Variants in PPP1R12A observed in about 807,000 individuals in gnomAD.
PPP1R12A encodes the protein myosin binding subunit.
PPP1R12A carries 19 observed loss-of-function variants against 139.6 expected under a neutral mutation model. The observed-to-expected ratio is 0.14, with a 90% CI of 0.09 to 0.20. The LOEUF is 0.20. PPP1R12A is among the 10% of genes least tolerant of loss of function. The pLI is 1.00. For missense variants in PPP1R12A, 925 were observed against 1,211.5 expected, an observed-to-expected ratio of 0.76 and a Z score of 3.51; for synonymous variants, 427 against 420.6, an observed-to-expected ratio of 1.02 and a Z score of -0.19.
intron 20 of PPP1R12A, chr12:79,789,541 CAT>C (rs1458401609): frequency 2.5e-6 from 1 of 403,942 alleles, no homozygotes; most frequent in Non-Finnish European, 4.8e-6. Flanking sequence ...GCAGGAAAAA[CAT>C]ATCTTACTGG....
chr12:79,919,548 C>G (rs1429753074), intron 1 of PPP1R12A, among the ~76,000 whole-genome samples: 1 of 149,990 alleles, frequency 6.7e-6, no homozygotes, highest in African/African-American at 2.5e-5. Context: ...GAGTGAGACT[C>G]CATCTCAAAA....
intron 1 of PPP1R12A, among the ~76,000 whole-genome samples, chr12:79,899,234 ATATATATATATATATATATATAT>A (rs1885411945): frequency 5.8e-4 from 2 of 3,470 alleles, no homozygotes; most frequent in African/African-American, 6.6e-4. Flanking sequence ...GATCTTAAAA[ATATATATATATATATATATATAT>A]ATATATATAT....
rs534807591 is a variant in PPP1R12A, at chr12:79,849,365, T to A, written c.369-3945A>T. Among the ~76,000 whole-genome samples the A allele has an allele frequency of 2.2e-4, 33 of 149,706 alleles. No individual in the cohort carries two copies. In the South Asian group the frequency reaches 6.4e-3, roughly 29 times the overall value. ...TTGTGCCACTGCATTCCAGTCTGGG[T>A]GACAGGGCTAGACTCCATTTCAAAG... On this transcript the variant is annotated intron_variant, in intron 2 of 24. Transcript: ENST00000450142.
intron 4 of PPP1R12A, among the ~76,000 whole-genome samples, chr12:79,829,929 T>C (rs1190727731): frequency 6.6e-6 from 1 of 152,126 alleles, no homozygotes; most frequent in African/African-American, 2.4e-5. Context: ...ATAGGTTCTA[T>C]GAATAGACAT....
At chr12:79,902,672 C>A (rs1885756159) in intron 1 of PPP1R12A, among the ~76,000 whole-genome samples, 1 of 151,926 alleles carries the variant, frequency 6.6e-6, no homozygotes, top group African/African-American at 2.4e-5. Context: ...TGCTGTTTAC[C>A]TCAGAAAGTC....
chr12:79,780,622 A>G (rs1870324165), intron 23 of PPP1R12A: 1 of 152,202 alleles, frequency 6.6e-6, no homozygotes, highest in African/African-American at 2.4e-5. Context: ...ATACTACTTT[A>G]AGTACAGTTT....
At chr12:79,883,067 G>A (rs1883788268) in intron 1 of PPP1R12A, among the ~76,000 whole-genome samples, 1 of 152,058 alleles carries the variant, frequency 6.6e-6, no homozygotes, top group African/African-American at 2.4e-5. Context: ...AATCTGGGAG[G>A]TGGAGTTTAC....
intron 2 of PPP1R12A, among the ~76,000 whole-genome samples, chr12:79,868,415 TTA>T (rs939759848): frequency 7.2e-5 from 11 of 152,198 alleles, no homozygotes; most frequent in African/African-American, 2.7e-4. Context: ...TTTATACTGC[TTA>T]TATTAGTTTG....
intron 2 of PPP1R12A, among the ~76,000 whole-genome samples, chr12:79,851,763 G>A (rs747031006): frequency 1.3e-5 from 2 of 152,080 alleles, no homozygotes; most frequent in Non-Finnish European, 2.9e-5. Flanking sequence ...GAGATCTGAT[G>A]GCATAGATGT....
chr12:79,820,324 A>C (rs1403295039), intron 8 of PPP1R12A, among the ~76,000 whole-genome samples: 1 of 152,180 alleles, frequency 6.6e-6, no homozygotes, highest in South Asian at 2.1e-4. Context: ...GTATCTTTAA[A>C]ATTTCTCAAA....
intron 1 of PPP1R12A, among the ~76,000 whole-genome samples, chr12:79,899,986 T>C (rs1213117876): frequency 6.6e-6 from 1 of 152,238 alleles, no homozygotes; most frequent in East Asian, 1.9e-4. Context: ...ATATTATTCA[T>C]ATATTTGTCT....
In PPP1R12A at chr12:79,798,598, T is replaced by C. The variant is rs1317911656; in HGVS notation, c.2001-14A>G. ...GTGAGGTATGATCTACAGTAGTAAATTGAAAAATCGTTAGTTGTAAATACA... is the reference window on the plus strand; with the variant it reads ...GTGAGGTATGATCTACAGTAGTAAACTGAAAAATCGTTAGTTGTAAATACA... On this transcript the variant is annotated splice_polypyrimidine_tract_variant and intron_variant, in intron 14 of 24. Transcript: ENST00000450142. The C allele has an allele frequency of 6.8e-7, 1 of 1,473,140 alleles. No homozygotes were observed. Among genetic ancestry groups the C allele is most frequent in the Non-Finnish European group, 9.2e-7 (1 of 1,083,598 alleles). 91.3% of individuals were successfully genotyped at this position (1,473,140 alleles called of 1,614,324 possible).
Position 79,794,101 on chromosome 12 carries a change from A to C in PPP1R12A, c.2584-173T>G, listed in dbSNP as rs527351312. Among the ~76,000 whole-genome samples the C allele has an allele frequency of 4.1e-4, 63 of 152,166 alleles. 2 individuals carry two copies. In the South Asian group the frequency reaches 0.013, roughly 32 times the overall value. On this transcript the variant is annotated intron_variant, in intron 18 of 24. Transcript: ENST00000450142. ...AAATAATATGGGAGTTGGGAGATGG[A>C]GTGGGAATTTAGCTGAAAAAATGAA... is the stretch of plus-strand genomic sequence containing the variant.
At chr12:79,796,314 T>C (rs1872508492) in intron 17 of PPP1R12A, among the ~76,000 whole-genome samples, 1 of 152,076 alleles carries the variant, frequency 6.6e-6, no homozygotes, top group Non-Finnish European at 1.5e-5. Context: ...TGCCAATATA[T>C]AGTTGAGAAA....
intron 9 of PPP1R12A, among the ~76,000 whole-genome samples, chr12:79,811,572 C>T (rs1005750226): frequency 6.6e-6 from 1 of 152,256 alleles, no homozygotes; most frequent in East Asian, 1.9e-4. Flanking sequence ...AGTTTGCGAA[C>T]TCTAATATTC....
At chr12:79,877,538 C>A (rs1173390347) in intron 1 of PPP1R12A, among the ~76,000 whole-genome samples, 1 of 152,114 alleles carries the variant, frequency 6.6e-6, no homozygotes, top group Admixed American at 6.6e-5. Flanking sequence ...TCTTTTCAGA[C>A]AGAGTCTTGC....
intron 2 of PPP1R12A, among the ~76,000 whole-genome samples, chr12:79,856,857 C>A (rs1008178819): frequency 6.6e-6 from 1 of 152,136 alleles, no homozygotes; most frequent in Non-Finnish European, 1.5e-5. Flanking sequence ...GAAACAGAAC[C>A]GTGAGCTTAG....
In PPP1R12A at chr12:79,788,788, A is replaced by G. The variant is rs1412231498; in HGVS notation, c.2667-5T>C. 1 of 1,581,436 alleles carries G rather than the reference A, an allele frequency of 6.3e-7. No individual in the cohort carries two copies. The highest frequency in any genetic ancestry group is 1.8e-5 in the Admixed American group (1 of 54,586). On this transcript the variant is annotated splice_polypyrimidine_tract_variant and splice_region_variant and intron_variant, in intron 20 of 24. Coordinates refer to ENST00000450142, the MANE Select transcript of PPP1R12A (RefSeq NM_002480.3). ...GATGTAGAACTGGTTTCATATCTTC[A>G]AAAGATTAATTTAAATAAAAAACCT... is the stretch of plus-strand genomic sequence containing the variant.
intron 1 of PPP1R12A, 92 bp from the exon 2 acceptor site, chr12:79,873,030 T>G: frequency 3.1e-6 from 4 of 1,282,360 alleles, no homozygotes; most frequent in Non-Finnish European, 4.2e-6. Context: ...TTTGTAGCTT[T>G]TATAATATAA....
Sources: allele counts gnomAD v4.1 joint callset (sites outside exome capture counted in the v4.1 genomes callset), GRCh38; gene constraint gnomAD v4.1.1; transcripts MANE v1.5; gene names NCBI Gene and HGNC (gene_info 2026-07-23, HGNC 2026-07-21).